The following OSBPL1A variants were observed in gnomAD, a reference collection of about 807,000 sequenced individuals.
The protein encoded by OSBPL1A is oxysterol-binding protein-related protein 1.
In OSBPL1A, 80 loss-of-function variants were observed where a neutral mutation model predicts 137.1. The observed-to-expected ratio is 0.58, with a 90% CI of 0.49 to 0.70. The LOEUF is 0.70. Among genes scored for constraint, OSBPL1A ranks in the 30% least tolerant of loss-of-function variants. The probability of loss-of-function intolerance (pLI) is 0.00; values close to 1 mark genes in which losing one functional copy is unlikely to be tolerated. For synonymous variants in OSBPL1A, 365 were observed against 389.7 expected, an observed-to-expected ratio of 0.94 and a Z score of 0.75; for missense variants, 970 against 1,129.4, an observed-to-expected ratio of 0.86 and a Z score of 2.02.
chr18:24,165,032 G>A (rs2145901329), intron 27 of OSBPL1A, 33 bp downstream of exon 27: 1 of 1,606,592 alleles, frequency 6.2e-7, no homozygotes, highest in Middle Eastern at 1.7e-4. Context: ...CCTGCCTGAG[G>A]GCTCAGCCAC....
intron 15 of OSBPL1A, among the ~76,000 whole-genome samples, chr18:24,264,449 G>A (rs571958567): frequency 6.6e-6 from 1 of 152,064 alleles, no homozygotes; most frequent in East Asian, 1.9e-4. Flanking sequence ...ATTCAGTGAG[G>A]GCCATTTTTC....
At chr18:24,170,603 C>G in intron 23 of OSBPL1A, 150 bp from the exon 24 acceptor site, 1 of 761,388 alleles carries the variant, frequency 1.3e-6, no homozygotes, top group East Asian at 2.6e-5. Context: ...CAGGCGTGTT[C>G]AGGGTGGCAT....
At chr18:24,385,176 T>C (rs189997443) in intron 1 of OSBPL1A, among the ~76,000 whole-genome samples, 5 of 151,932 alleles carry the variant, frequency 3.3e-5, no homozygotes, top group Admixed American at 2.0e-4. Context: ...GGATGGTCTC[T>C]ATCTCCTGAC....
At chr18:24,198,607 T>C (rs1160645277) in intron 17 of OSBPL1A, among the ~76,000 whole-genome samples, 1 of 151,944 alleles carries the variant, frequency 6.6e-6, no homozygotes, top group African/African-American at 2.4e-5. Flanking sequence ...GAGACCACAC[T>C]TTGTGCAATA....
At chr18:24,331,542 G>A (rs984230676) in intron 7 of OSBPL1A, among the ~76,000 whole-genome samples, 7 of 151,070 alleles carry the variant, frequency 4.6e-5, no homozygotes, top group Admixed American at 6.6e-5. Flanking sequence ...GACTACAGGC[G>A]CCCGCCACCA....
At chr18:24,321,728 G>A (rs756244906) in intron 7 of OSBPL1A, 39 of 512,052 alleles carry the variant, frequency 7.6e-5, no homozygotes, top group South Asian at 5.8e-4. Flanking sequence ...AAGCTGGGTT[G>A]AGAGGGTAAG....
intron 4 of OSBPL1A, among the ~76,000 whole-genome samples, chr18:24,350,052 C>T (rs1456780031): frequency 1.3e-5 from 2 of 152,158 alleles, no homozygotes; most frequent in African/African-American, 4.8e-5. Flanking sequence ...CATCTGACCC[C>T]GAACATTTTT....
intron 23 of OSBPL1A, 117 bp from the exon 24 acceptor site, chr18:24,170,570 T>A: frequency 3.5e-6 from 4 of 1,159,186 alleles, no homozygotes; most frequent in Non-Finnish European, 2.5e-6. Flanking sequence ...TGACCCTGCT[T>A]AGCTTCCAAG....
chr18:24,281,289 T>G (rs2089952143), intron 14 of OSBPL1A, among the ~76,000 whole-genome samples: 2 of 152,108 alleles, frequency 1.3e-5, no homozygotes, highest in Admixed American at 6.5e-5. Flanking sequence ...ATTCACCATA[T>G]TGGCCAGGCT....
chr18:24,358,567 G>T (rs1027322607), intron 4 of OSBPL1A: 7 of 700,740 alleles, frequency 1.0e-5, no homozygotes, highest in Admixed American at 4.0e-5. Context: ...CAAATGAAAC[G>T]ATACGTGTCA....
chr18:24,170,336 GTTC>G lies in OSBPL1A; in HGVS notation c.2406_2408del (p.Lys802del), dbSNP rs762041563. 1.2e-4 allele frequency: 189 copies of G among 1,614,008 alleles called. No homozygotes were observed. Among genetic ancestry groups the G allele is most frequent in the Admixed American group, 2.7e-4 (16 of 59,998 alleles). On this transcript the variant is annotated inframe_deletion, in exon 24 of 28. Transcript: ENST00000319481. ...CTTACAGGATGTTCACCTGTTTGCT[GTTC>G]TTCTTCTCTTCTGTATTTTTCTTAT... is the stretch of plus-strand genomic sequence containing the variant.
At chr18:24,198,982 C>T (rs968234798) in intron 17 of OSBPL1A, among the ~76,000 whole-genome samples, 1 of 151,816 alleles carries the variant, frequency 6.6e-6, no homozygotes, top group Non-Finnish European at 1.5e-5. Flanking sequence ...CTCAGCCTCC[C>T]GAGTAGCTGG....
At chr18:24,315,697 C>T (rs1201878396) in intron 11 of OSBPL1A, among the ~76,000 whole-genome samples, 6 of 109,732 alleles carry the variant, frequency 5.5e-5, no homozygotes, top group South Asian at 2.6e-4. Context: ...ATATTATATA[C>T]TATATAATAA....
intron 1 of OSBPL1A, among the ~76,000 whole-genome samples, chr18:24,385,236 G>A (rs866271393): frequency 3.3e-5 from 5 of 152,076 alleles, no homozygotes; most frequent in Admixed American, 1.3e-4. Context: ...TTACAGGCAT[G>A]AGCCACCGCA....
intron 5 of OSBPL1A, among the ~76,000 whole-genome samples, chr18:24,338,079 C>CT (rs112484418): frequency 0.21 from 29,394 of 142,534 alleles, 4,351 homozygotes; most frequent in African/African-American, 0.42. Context: ...CTTTTTCTTT[C>CT]TTTTTTTTTT....
intron 15 of OSBPL1A, among the ~76,000 whole-genome samples, chr18:24,257,074 T>C (rs2089301188): frequency 6.8e-6 from 1 of 148,064 alleles, no homozygotes; most frequent in African/African-American, 2.5e-5. Context: ...ACAGATTCAA[T>C]GCTATCCCTA....
intron 14 of OSBPL1A, among the ~76,000 whole-genome samples, chr18:24,293,256 G>A (rs1407249682): frequency 6.6e-6 from 1 of 152,138 alleles, no homozygotes; most frequent in Admixed American, 6.6e-5. Flanking sequence ...GGCACAGAGG[G>A]GGAAAGGGGA....
chr18:24,181,794 C>T (rs1030132941), intron 18 of OSBPL1A, among the ~76,000 whole-genome samples: 1 of 152,136 alleles, frequency 6.6e-6, no homozygotes, highest in Non-Finnish European at 1.5e-5. Context: ...GTTACACTTT[C>T]CCCAAATGAA....
At position 24,162,436 on chromosome 18, in the gene OSBPL1A, A is replaced by G. The variant is rs529412654; in HGVS notation, c.*743T>C. 4.9e-4 allele frequency: 75 copies of G among 152,354 alleles called. No individual in the cohort carries two copies. The highest frequency in any genetic ancestry group is 1.8e-3 in the African/African-American group (75 of 41,592). The allele number at this position is 152,354 out of a possible 1,614,324, so 9.4% of individuals were successfully genotyped here. A position where few individuals can be genotyped will look rare whatever the true frequency, so the allele number is the denominator to read the frequency against. On this transcript the variant is annotated 3_prime_UTR_variant, in exon 28 of 28. Transcript: ENST00000319481. ...AATGGTGATTAAAATCTATATTTCT[A>G]GGGCATTTTTGTGAATTGCTAGATT...
Sources: gnomAD v4.1 joint callset for allele counts (sites outside exome capture counted in the v4.1 genomes callset) on GRCh38, gnomAD v4.1.1 for gene constraint, MANE v1.5 for transcripts, NCBI Gene and HGNC (gene_info 2026-07-23, HGNC 2026-07-21) for gene names.